The following COL4A6 variants were observed in gnomAD, a reference collection of about 807,000 sequenced individuals.
The protein encoded by COL4A6 is collagen type IV alpha 6 chain, also known as collagen alpha-6(IV) chain.
A neutral mutation model predicts 126.7 loss-of-function variants in COL4A6; 59 were observed. The ratio of observed to expected loss-of-function variants is 0.47; its 90% CI spans 0.38 to 0.58. COL4A6 has a LOEUF of 0.58. COL4A6 is among the 20% of genes least tolerant of loss of function. The pLI is 0.00. For synonymous variants in COL4A6, 547 were observed against 496.6 expected (o/e 1.10, Z -1.35); for missense variants, 1,285 against 1,337.3 (o/e 0.96, Z 0.61).
At chrX:108,252,065 A>G (rs1363138792) in intron 3 of COL4A6, among the ~76,000 whole-genome samples, 1 of 111,254 alleles carries the variant, frequency 9.0e-6, no homozygotes, top group African/African-American at 3.3e-5. Context: ...TATGCAATAG[A>G]AGACAAGAAT....
intron 2 of COL4A6, among the ~76,000 whole-genome samples, chrX:108,430,029 T>C (rs1175914911): frequency 1.8e-5 from 2 of 111,943 alleles, no homozygotes; most frequent in African/African-American, 6.5e-5. Flanking sequence ...CGTAGTCATA[T>C]AAGCATAGGA....
At chrX:108,250,049 G>T (rs758817231) in intron 3 of COL4A6, among the ~76,000 whole-genome samples, 199 of 112,122 alleles carry the variant, frequency 1.8e-3, no homozygotes, top group African/African-American at 6.2e-3. Context: ...GTGGAACTGT[G>T]CAAACGAAAC....
At chrX:108,249,459 C>G (rs2036797404) in intron 3 of COL4A6, among the ~76,000 whole-genome samples, 1 of 111,711 alleles carries the variant, frequency 9.0e-6, no homozygotes, top group Admixed American at 9.5e-5. Flanking sequence ...ACAATCCTGT[C>G]CAGCCATCCC....
intron 3 of COL4A6, among the ~76,000 whole-genome samples, chrX:108,260,919 A>G (rs993697513): frequency 2.7e-5 from 3 of 110,657 alleles, no homozygotes; most frequent in Non-Finnish European, 5.7e-5. Flanking sequence ...TTAGTGGAAT[A>G]AATAAAAACT....
At chrX:108,268,932 C>G (rs1178005167) in intron 3 of COL4A6, 1 of 245,597 alleles carries the variant, frequency 4.1e-6, no homozygotes, top group Admixed American at 5.2e-5. Flanking sequence ...TTTCTTGGTT[C>G]TACCATCATA....
At chrX:108,413,798 G>C (rs1460200800) in intron 2 of COL4A6, among the ~76,000 whole-genome samples, 1 of 111,999 alleles carries the variant, frequency 8.9e-6, no homozygotes, top group African/African-American at 3.2e-5. Context: ...AAAGACTGAA[G>C]GCAATGTAGG....
At chrX:108,205,884 A>T (rs2035533017) in intron 9 of COL4A6, among the ~76,000 whole-genome samples, 189 bp from the exon 10 acceptor site, 2 of 111,103 alleles carry the variant, frequency 1.8e-5, no homozygotes, top group Admixed American at 1.9e-4. Flanking sequence ...TGGTAATCAC[A>T]TTAATGCTAA....
In COL4A6 at chrX:108,190,434, C is replaced by G; in HGVS notation, c.1384G>C (p.Glu462Gln). ...CCTAGGTTTCCTTTTGGACCTTGTT[C>G]TCCTCGGAGACCAGGGAACCCTGAC... ...KESGFPGLRGEQGPKGNLGLK... is the reference protein window; with the variant it reads ...KESGFPGLRGQQGPKGNLGLK... The change falls in exon 20 of 45, where the codon GAA becomes CAA. Residue 462 changes from glutamate to glutamine, a missense_variant. Transcript: ENST00000334504. 1 of 1,207,925 alleles carries G rather than the reference C, an allele frequency of 8.3e-7. No individual in the cohort carries two copies. The highest frequency in any genetic ancestry group is 1.1e-6 in the Non-Finnish European group (1 of 892,674).
At chrX:108,410,245 T>C (rs2041299527) in intron 2 of COL4A6, among the ~76,000 whole-genome samples, 2 of 111,383 alleles carry the variant, frequency 1.8e-5, no homozygotes, top group Non-Finnish European at 3.8e-5. Context: ...GCCTCCATGA[T>C]TTTGCACCAC....
chrX:108,350,766 T>C (rs961926372), intron 2 of COL4A6, among the ~76,000 whole-genome samples: 1 of 92,937 alleles, frequency 1.1e-5, no homozygotes, highest in African/African-American at 4.1e-5. Flanking sequence ...AAAGCATCTG[T>C]AATTGATTTT....
intron 18 of COL4A6, 27 bp from the exon 19 acceptor site, chrX:108,191,560 G>A: frequency 8.4e-7 from 1 of 1,195,932 alleles, no homozygotes; most frequent in Admixed American, 2.3e-5. Context: ...ACACACAAAT[G>A]CTCATTATAT....
At chrX:108,435,569 T>G (rs1569467182) in intron 2 of COL4A6, among the ~76,000 whole-genome samples, 2 of 111,889 alleles carry the variant, frequency 1.8e-5, no homozygotes, top group African/African-American at 6.5e-5. Flanking sequence ...TGTTCTGAGA[T>G]CCTAGATTCT....
At chrX:108,334,016 T>C (rs961372943) in intron 2 of COL4A6, among the ~76,000 whole-genome samples, 5 of 111,501 alleles carry the variant, frequency 4.5e-5, no homozygotes, top group Non-Finnish European at 9.5e-5. Flanking sequence ...AAATTATCAA[T>C]GTCATTTTTC....
intron 3 of COL4A6, among the ~76,000 whole-genome samples, chrX:108,298,057 T>C (rs748007788): frequency 7.1e-5 from 8 of 112,243 alleles, no homozygotes; most frequent in Non-Finnish European, 1.1e-4. Context: ...TCTTCTTTAC[T>C]GTGGGCCTGT....
At chrX:108,182,213 C>G (rs1207900949) in intron 23 of COL4A6, among the ~76,000 whole-genome samples, 1 of 112,597 alleles carries the variant, frequency 8.9e-6, no homozygotes, top group Non-Finnish European at 1.9e-5. Flanking sequence ...TTCTACTTTT[C>G]TCATATGGTG....
In COL4A6 at chrX:108,193,706, A is replaced by T; in HGVS notation, c.1003-9T>A. The stretch of plus-strand genomic sequence containing the variant: ...ATGTCACCCTTTTGACCCTGCAAAG[A>T]TTAAGTACATTAAACACAAATATTT... On this transcript the variant is annotated splice_polypyrimidine_tract_variant and intron_variant, in intron 16 of 44. Transcript: ENST00000334504. 1 of 1,176,470 alleles carries T rather than the reference A, an allele frequency of 8.5e-7. No homozygotes were observed.
rs777526841 is a variant in COL4A6, at chrX:108,393,246, G to A, written c.63+44696C>T. ...AAAAGAATCATAATGTCCTTCAACC[G>A]ATGAATGGATAAACAAAATGTGGTA... On this transcript the variant is annotated intron_variant, in intron 2 of 44. Coordinates refer to ENST00000334504, the MANE Select transcript of COL4A6 (RefSeq NM_033641.4). 4.5e-5 allele frequency among the ~76,000 whole-genome samples: 5 copies of A among 111,945 alleles called. No individual in the cohort carries two copies. In the East Asian group the frequency reaches 1.1e-3, roughly 25 times the overall value.
chrX:108,326,955 T>C (rs1300353895), intron 2 of COL4A6, among the ~76,000 whole-genome samples: 1 of 111,800 alleles, frequency 8.9e-6, no homozygotes, highest in South Asian at 3.8e-4. Context: ...GGACATCATC[T>C]AAATTAAAAC....
intron 3 of COL4A6, among the ~76,000 whole-genome samples, chrX:108,285,641 C>T (rs2037986267): frequency 9.0e-6 from 1 of 111,428 alleles, no homozygotes; most frequent in Non-Finnish European, 1.9e-5. Flanking sequence ...AGCCATGACA[C>T]TTGGTTTGTA....
Sources: gnomAD v4.1 joint callset for allele counts (sites outside exome capture counted in the v4.1 genomes callset) on GRCh38, gnomAD v4.1.1 for gene constraint, MANE v1.5 for transcripts, NCBI Gene and HGNC (gene_info 2026-07-23, HGNC 2026-07-21) for gene names.